The following KCNIP4 variants were observed in gnomAD, a reference collection of about 807,000 sequenced individuals.
KCNIP4 encodes Kv channel-interacting protein 4.
KCNIP4 carries 12 observed loss-of-function variants against 34.0 expected under a neutral mutation model. The ratio of observed to expected loss-of-function variants is 0.35; its 90% CI spans 0.23 to 0.57. KCNIP4 has a LOEUF of 0.57. Among genes scored for constraint, KCNIP4 ranks in the 20% least tolerant of loss-of-function variants. The pLI, the probability that KCNIP4 is intolerant of heterozygous loss-of-function variation, is 0.83. For synonymous variants in KCNIP4, 124 were observed against 102.2 expected (o/e 1.21, Z -1.29); for missense variants, 238 against 311.7 (o/e 0.76, Z 1.78).
chr4:21,274,953 T>C (rs1429200290), intron 1 of KCNIP4, among the ~76,000 whole-genome samples: 1 of 152,154 alleles, frequency 6.6e-6, no homozygotes, highest in East Asian at 1.9e-4. Context: ...TCTAGGTCCA[T>C]AGAATGTTAA....
intron 1 of KCNIP4, among the ~76,000 whole-genome samples, chr4:21,396,757 G>A (rs144431110): frequency 2.3e-3 from 346 of 152,152 alleles, no homozygotes; most frequent in Middle Eastern, 0.017. Flanking sequence ...TGAAAGCAGT[G>A]TTGGAGTAAT....
intron 1 of KCNIP4, among the ~76,000 whole-genome samples, chr4:21,918,502 G>A (rs1052403000): frequency 6.6e-6 from 1 of 151,960 alleles, no homozygotes; most frequent in African/African-American, 2.4e-5. Flanking sequence ...AGAGTCAGGT[G>A]GTCCAGGCTA....
chr4:21,172,707 AGCC>A (rs1456817483), intron 1 of KCNIP4, among the ~76,000 whole-genome samples: 1 of 152,162 alleles, frequency 6.6e-6, no homozygotes, highest in East Asian at 1.9e-4. Context: ...GCATTTATAA[AGCC>A]CCACTCTGGT....
chr4:21,522,701 C>G (rs1254221292), intron 1 of KCNIP4, among the ~76,000 whole-genome samples: 1 of 151,822 alleles, frequency 6.6e-6, no homozygotes, highest in Non-Finnish European at 1.5e-5. Context: ...TACTACCTGT[C>G]CAACCATAGG....
intron 1 of KCNIP4, among the ~76,000 whole-genome samples, chr4:21,358,162 C>T (rs1434367898): frequency 6.6e-6 from 1 of 152,102 alleles, no homozygotes; most frequent in Admixed American, 6.6e-5. Flanking sequence ...CACAGCGGGG[C>T]CTGTCAGGTG....
chr4:21,529,270 A>T (rs1171855972), intron 1 of KCNIP4, among the ~76,000 whole-genome samples: 1 of 152,184 alleles, frequency 6.6e-6, no homozygotes, highest in Non-Finnish European at 1.5e-5. Flanking sequence ...GGAAATGATA[A>T]TACAAACTGT....
intron 1 of KCNIP4, among the ~76,000 whole-genome samples, chr4:21,740,209 CACATAT>C (rs1716301303): frequency 6.6e-6 from 1 of 151,920 alleles, no homozygotes; most frequent in South Asian, 2.1e-4. Context: ...CACAAACATA[CACATAT>C]ACAGTTATGG....
intron 1 of KCNIP4, among the ~76,000 whole-genome samples, chr4:20,953,566 C>T (rs1434947): frequency 0.7 from 106,173 of 151,896 alleles, 38,325 homozygotes; most frequent in Non-Finnish European, 0.78. Flanking sequence ...TCTGTGGTCC[C>T]GGCTACTTGA....
intron 8 of KCNIP4, chr4:20,731,252 T>G: frequency 3.1e-6 from 1 of 320,822 alleles, no homozygotes; most frequent in Non-Finnish European, 4.5e-6. Context: ...TTTTTTTTTG[T>G]AGAGATAGAT....
At chr4:21,931,693 G>A (rs866190849) in intron 1 of KCNIP4, among the ~76,000 whole-genome samples, 3 of 152,028 alleles carry the variant, frequency 2.0e-5, no homozygotes, top group Non-Finnish European at 4.4e-5. Context: ...GGGCATTTGG[G>A]TTGGTTCCAA....
At chr4:20,898,900 A>C (rs1726858921) in intron 1 of KCNIP4, among the ~76,000 whole-genome samples, 1 of 152,228 alleles carries the variant, frequency 6.6e-6, no homozygotes, top group Non-Finnish European at 1.5e-5. Flanking sequence ...TCATTTTAAC[A>C]ACAACTTTGC....
chr4:21,797,462 A>G (rs1418697618), intron 1 of KCNIP4, among the ~76,000 whole-genome samples: 1 of 132,098 alleles, frequency 7.6e-6, no homozygotes, highest in Non-Finnish European at 1.8e-5. Flanking sequence ...TCTTTTCTCA[A>G]AAACATCAGT....
intron 1 of KCNIP4, among the ~76,000 whole-genome samples, chr4:21,310,756 C>T (rs1451496068): frequency 1.3e-5 from 2 of 151,990 alleles, no homozygotes; most frequent in East Asian, 1.9e-4. Flanking sequence ...CTCAGCCTCC[C>T]GAGTAGCTGG....
chr4:21,155,911 T>C (rs1753115766), intron 1 of KCNIP4, among the ~76,000 whole-genome samples: 2 of 152,178 alleles, frequency 1.3e-5, no homozygotes, highest in African/African-American at 2.4e-5. Flanking sequence ...TTATTTTCTA[T>C]ATTGTACACT....
At chr4:21,416,800 T>G (rs533298016) in intron 1 of KCNIP4, among the ~76,000 whole-genome samples, 1 of 152,188 alleles carries the variant, frequency 6.6e-6, no homozygotes, top group Non-Finnish European at 1.5e-5. Context: ...CATGGGACTA[T>G]ATGTCAGTCA....
intron 1 of KCNIP4, among the ~76,000 whole-genome samples, chr4:21,237,177 T>C (rs905470903): frequency 1.3e-5 from 2 of 152,172 alleles, no homozygotes; most frequent in African/African-American, 4.8e-5. Context: ...CGTACTTTCA[T>C]TCTTTGATTC....
chr4:21,778,116 G>C (rs1473368922), intron 1 of KCNIP4, among the ~76,000 whole-genome samples: 1 of 151,282 alleles, frequency 6.6e-6, no homozygotes, highest in African/African-American at 2.4e-5. Context: ...TTCAGAGCAG[G>C]AAAAAATAAA....
intron 1 of KCNIP4, among the ~76,000 whole-genome samples, chr4:21,086,936 T>A (rs4414947): frequency 2.7e-5 from 4 of 147,134 alleles, no homozygotes; most frequent in African/African-American, 1.0e-4. Flanking sequence ...TCCTTCTTTC[T>A]TTCTTTCTCC....
intron 1 of KCNIP4, among the ~76,000 whole-genome samples, chr4:21,578,727 C>A (rs952644028): frequency 6.6e-6 from 1 of 152,064 alleles, no homozygotes; most frequent in African/African-American, 2.4e-5. Flanking sequence ...TTTCTTCTAC[C>A]TCTTGGCAAC....
Sources: gnomAD v4.1 joint callset for allele counts (sites outside exome capture counted in the v4.1 genomes callset) on GRCh38, gnomAD v4.1.1 for gene constraint, MANE v1.5 for transcripts, NCBI Gene and HGNC (gene_info 2026-07-23, HGNC 2026-07-21) for gene names.